The following TASP1 variants were observed in gnomAD, a reference collection of about 807,000 sequenced individuals.
TASP1 encodes the protein taspase 1.
Under a neutral mutation model 56.6 loss-of-function variants are expected in TASP1, and 16 were observed. The ratio of observed to expected loss-of-function variants is 0.28; its 90% CI spans 0.19 to 0.43. TASP1 has a LOEUF of 0.43. Among genes scored for constraint, TASP1 ranks in the 20% least tolerant of loss-of-function variants. TASP1 has a pLI of 1.00. For missense variants in TASP1, 393 were observed against 511.6 expected (o/e 0.77, Z 2.24); for synonymous variants, 179 against 184.2 (o/e 0.97, Z 0.23).
At chr20:13,629,862 C>T (rs1277513420) in intron 2 of TASP1, 72 bp downstream of exon 2, 1 of 1,594,868 alleles carries the variant, frequency 6.3e-7, no homozygotes, top group African/African-American at 1.4e-5. Flanking sequence ...AAATGTGATT[C>T]TCAGTGTACT....
chr20:13,159,388 A>G, the TASP1 span, among the ~76,000 whole-genome samples: 1 of 152,142 alleles, frequency 6.6e-6, no homozygotes, highest in Non-Finnish European at 1.5e-5. Context: ...CACATATGAA[A>G]CAATCAGGAG....
At chr20:13,561,260 A>G (rs1027717801) in intron 7 of TASP1, among the ~76,000 whole-genome samples, 3 of 152,214 alleles carry the variant, frequency 2.0e-5, no homozygotes, top group Non-Finnish European at 4.4e-5. Context: ...CAAACCTGTA[A>G]ATAAATAATG....
At chr20:13,174,055 C>A in the TASP1 span, among the ~76,000 whole-genome samples, 1 of 152,180 alleles carries the variant, frequency 6.6e-6, no homozygotes, top group African/African-American at 2.4e-5. Context: ...CACAACAATT[C>A]ATTCCTGCCC....
the TASP1 span, among the ~76,000 whole-genome samples, chr20:13,112,585 C>T: frequency 6.6e-6 from 1 of 152,176 alleles, no homozygotes; most frequent in African/African-American, 2.4e-5. Flanking sequence ...AGCCATCCAC[C>T]ACAGTGGCTC....
chr20:13,511,047 G>A (rs1011419082), intron 10 of TASP1, among the ~76,000 whole-genome samples: 4 of 151,974 alleles, frequency 2.6e-5, no homozygotes, highest in African/African-American at 9.7e-5. Flanking sequence ...CTCATCACTG[G>A]TTCATGGGTA....
the TASP1 span, among the ~76,000 whole-genome samples, chr20:13,135,628 TGA>T: frequency 2.0e-5 from 3 of 152,230 alleles, no homozygotes; most frequent in Admixed American, 2.0e-4. Context: ...CCCACTTATC[TGA>T]AGATCTAAAC....
At chr20:13,609,505 G>A (rs1190642434) in intron 4 of TASP1, among the ~76,000 whole-genome samples, 1 of 152,004 alleles carries the variant, frequency 6.6e-6, no homozygotes, top group Non-Finnish European at 1.5e-5. Context: ...CCAACATGGT[G>A]AAACCCCATC....
chr20:13,438,766 G>T (rs2043107266), intron 11 of TASP1, among the ~76,000 whole-genome samples: 1 of 152,016 alleles, frequency 6.6e-6, no homozygotes, highest in East Asian at 1.9e-4. Flanking sequence ...TCTGACAAAG[G>T]GCGAATATCC....
chr20:13,507,114 T>C (rs1361865638), intron 10 of TASP1, among the ~76,000 whole-genome samples: 1 of 152,152 alleles, frequency 6.6e-6, no homozygotes, highest in Non-Finnish European at 1.5e-5. Context: ...TGCATTTCTA[T>C]ACACTAACAA....
intron 10 of TASP1, among the ~76,000 whole-genome samples, chr20:13,500,359 T>G (rs2043900746): frequency 6.7e-6 from 1 of 148,774 alleles, no homozygotes; most frequent in Non-Finnish European, 1.5e-5. Flanking sequence ...CAGTCTCTTC[T>G]GTTTTCAAAT....
At chr20:13,263,583 G>T in the TASP1 span, among the ~76,000 whole-genome samples, 1 of 152,162 alleles carries the variant, frequency 6.6e-6, no homozygotes, top group Non-Finnish European at 1.5e-5. Flanking sequence ...ACCACTAGTG[G>T]CATTCTTGAA....
At chr20:13,217,233 T>G in the TASP1 span, among the ~76,000 whole-genome samples, 1 of 152,208 alleles carries the variant, frequency 6.6e-6, no homozygotes, top group African/African-American at 2.4e-5. Context: ...CGGAGGAAAT[T>G]TTTGAAAATA....
At chr20:13,134,671 G>A in the TASP1 span, among the ~76,000 whole-genome samples, 1 of 152,010 alleles carries the variant, frequency 6.6e-6, no homozygotes, top group African/African-American at 2.4e-5. Flanking sequence ...ATGTTTCTAC[G>A]TAACAGAAAA....
At chr20:13,122,898 C>T in the TASP1 span, among the ~76,000 whole-genome samples, 3 of 152,130 alleles carry the variant, frequency 2.0e-5, no homozygotes, top group African/African-American at 7.2e-5. Flanking sequence ...TCTACCAATG[C>T]GTAGTCACAC....
At chr20:13,536,274 T>C (rs2045414222) in intron 8 of TASP1, among the ~76,000 whole-genome samples, 1 of 152,150 alleles carries the variant, frequency 6.6e-6, no homozygotes, top group Non-Finnish European at 1.5e-5. Context: ...GGGACCATTA[T>C]CCACCAAATA....
the TASP1 span, among the ~76,000 whole-genome samples, chr20:13,310,326 A>G: frequency 6.6e-6 from 1 of 152,200 alleles, no homozygotes; most frequent in African/African-American, 2.4e-5. Flanking sequence ...CAATGGGGAA[A>G]GGGTGGTCTC....
intron 10 of TASP1, among the ~76,000 whole-genome samples, chr20:13,499,560 G>A (rs1389469902): frequency 6.6e-6 from 1 of 152,036 alleles, no homozygotes; most frequent in Non-Finnish European, 1.5e-5. Context: ...AACAGACTAT[G>A]ATACTTGGAG....
intron 13 of TASP1, among the ~76,000 whole-genome samples, chr20:13,395,693 C>CTTTTTT (rs71188158): frequency 7.3e-6 from 1 of 136,416 alleles, no homozygotes. Context: ...CCTCAGCTTT[C>CTTTTTT]TTTTTTTTTT....
rs539446886 is a variant in TASP1, at chr20:13,470,901, T to G, written c.985+12326A>C. On this transcript the variant is annotated intron_variant, in intron 11 of 13. Transcript: ENST00000337743. ...TATTTATTTACAACTGTAAATACAT[T>G]GCAATCCTTTCAGTTATGAAACAAG... Among the ~76,000 whole-genome samples, 4 of 152,294 alleles carry G rather than the reference T, an allele frequency of 2.6e-5. No individual in the cohort carries two copies. The South Asian group carries it at 6.2e-4, about 24-fold the overall frequency.
Sources: gnomAD v4.1 joint callset for allele counts (sites outside exome capture counted in the v4.1 genomes callset) on GRCh38, gnomAD v4.1.1 for gene constraint, MANE v1.5 for transcripts, NCBI Gene and HGNC (gene_info 2026-07-23, HGNC 2026-07-21) for gene names.